The following PDIA3 variants were observed in gnomAD, a reference collection of about 807,000 sequenced individuals.
The protein encoded by PDIA3 is protein disulfide-isomerase A3.
PDIA3 carries 16 observed loss-of-function variants against 56.9 expected under a neutral mutation model. The ratio of observed to expected loss-of-function variants is 0.28; its 90% confidence interval spans 0.19 to 0.43. The LOEUF is 0.43. PDIA3 is among the 20% of genes least tolerant of loss of function. The pLI is 1.00. For missense variants in PDIA3, 485 were observed against 621.3 expected (o/e 0.78, Z 2.33); for synonymous variants, 192 against 216.5 (o/e 0.89, Z 0.99).
At chr15:43,766,081 C>T in intron 7 of PDIA3, 69 bp downstream of exon 7, 1 of 1,260,868 alleles carries the variant, frequency 7.9e-7, no homozygotes, top group South Asian at 1.5e-5. Context: ...TTCTAACTAT[C>T]TTGTTGGTTC....
chr15:43,757,087 C>T (rs538599880), intron 3 of PDIA3, among the ~76,000 whole-genome samples: 1 of 152,298 alleles, frequency 6.6e-6, no homozygotes, highest in East Asian at 1.9e-4. Flanking sequence ...GGTCCCTACT[C>T]TTGTGAAGCT....
chr15:43,755,439 G>A (rs1426359178), intron 2 of PDIA3, among the ~76,000 whole-genome samples: 1 of 152,092 alleles, frequency 6.6e-6, no homozygotes, highest in Non-Finnish European at 1.5e-5. Flanking sequence ...GTAACCAAAT[G>A]GTCAACTGTA....
chr15:43,752,027 A>G (rs2086747643), intron 1 of PDIA3, among the ~76,000 whole-genome samples: 1 of 152,168 alleles, frequency 6.6e-6, no homozygotes, highest in African/African-American at 2.4e-5. Flanking sequence ...CATGTGAAAT[A>G]TATTATCTTC....
intron 1 of PDIA3, among the ~76,000 whole-genome samples, chr15:43,749,394 A>G (rs1299693048): frequency 2.6e-5 from 4 of 151,990 alleles, no homozygotes; most frequent in Non-Finnish European, 5.9e-5. Context: ...TGGCCTCTGT[A>G]TTTTTATTTA....
At position 43,771,594 on chromosome 15, in the gene PDIA3, G is replaced by A. The variant is rs2086882437; in HGVS notation, c.*376G>A. 1.4e-5 allele frequency: 6 copies of A among 424,130 alleles called. No individual in the cohort carries two copies. The highest frequency in any genetic ancestry group is 8.0e-5 in the Admixed American group (2 of 24,978). The allele number at this position is 424,130 out of a possible 1,614,324, so 26.3% of individuals were successfully genotyped here. ...CAGATGTTCTCTACACACTATCACT[G>A]TTCAATAGAGCTTTCTTCAGTGATG... On this transcript the variant is annotated 3_prime_UTR_variant, in exon 13 of 13. Coordinates refer to ENST00000300289, the MANE Select transcript of PDIA3 (RefSeq NM_005313.5).
rs1377133139 is a variant in PDIA3 at position 43,761,446 on chromosome 15, G to A, written c.387G>A (p.Lys129=). The A allele has an allele frequency of 1.3e-6, 2 of 1,595,752 alleles. No homozygotes were observed. The highest frequency in any genetic ancestry group is 1.7e-5 in the Admixed American group (1 of 57,838). ...RTADGIVSHL[K]KQAGPASVPL... Reference sequence around the variant, plus strand: ...AAGATGGAATTGTCAGCCACTTGAAGAAGCAGGCAGGACCAGCTTCAGTGC... The same window carrying A: ...AAGATGGAATTGTCAGCCACTTGAAAAAGCAGGCAGGACCAGCTTCAGTGC... The change falls in exon 4 of 13, where the codon AAG becomes AAA. Residue 129 remains lysine (K), a synonymous_variant. Transcript: ENST00000300289.
chr15:43,771,625 G>C lies in PDIA3; in HGVS notation c.*407G>C. ...TAGAGCTTTCTTCAGTGATGGAAAT[G>C]CTCTGTAATCTACACTGTTCAGTAC... On this transcript the variant is annotated 3_prime_UTR_variant, in exon 13 of 13. Coordinates refer to ENST00000300289, the MANE Select transcript of PDIA3 (RefSeq NM_005313.5). 4.9e-6 allele frequency: 2 copies of C among 407,206 alleles called. No individual in the cohort carries two copies. Among genetic ancestry groups the C allele is most frequent in the South Asian group, 1.2e-4 (1 of 8,654 alleles). The allele number at this position is 407,206 out of a possible 1,614,324, so 25.2% of individuals were successfully genotyped here. A position where few individuals can be genotyped will look rare whatever the true frequency, so the allele number is the denominator to read the frequency against.
intron 3 of PDIA3, among the ~76,000 whole-genome samples, chr15:43,758,566 G>A (rs2086794511): frequency 6.6e-6 from 1 of 151,660 alleles, no homozygotes; most frequent in South Asian, 2.1e-4. Flanking sequence ...GCTGAGGCAG[G>A]AGGATCACTT....
chr15:43,755,280 A>C (rs2086771513), intron 2 of PDIA3, among the ~76,000 whole-genome samples: 1 of 152,126 alleles, frequency 6.6e-6, no homozygotes, highest in African/African-American at 2.4e-5. Context: ...GTGAGCTGAG[A>C]TCATGGCACT....
At chr15:43,762,872 C>G (rs1272221232) in intron 4 of PDIA3, among the ~76,000 whole-genome samples, 1 of 152,174 alleles carries the variant, frequency 6.6e-6, no homozygotes, top group Non-Finnish European at 1.5e-5. Flanking sequence ...TCTCCCTTGG[C>G]TCTCTCAAGA....
intron 1 of PDIA3, among the ~76,000 whole-genome samples, chr15:43,749,364 C>T (rs1596017341): frequency 1.3e-5 from 2 of 152,314 alleles, no homozygotes; most frequent in African/African-American, 4.8e-5. Flanking sequence ...GCTGGGATTA[C>T]AGGCGTGCGC....
intron 9 of PDIA3, among the ~76,000 whole-genome samples, chr15:43,769,296 T>G (rs1268598151): frequency 6.6e-6 from 1 of 152,222 alleles, no homozygotes; most frequent in Non-Finnish European, 1.5e-5. Context: ...TTCTATGTCC[T>G]GTAACTTCCT....
intron 7 of PDIA3, 56 bp from the exon 8 acceptor site, chr15:43,766,671 CA>C: frequency 7.0e-7 from 1 of 1,428,030 alleles, no homozygotes; most frequent in Non-Finnish European, 9.7e-7. Flanking sequence ...TTCTTAGTTT[CA>C]AAAGTGCTTG....
chr15:43,751,798 G>T, intron 1 of PDIA3: 7 of 1,276,970 alleles, frequency 5.5e-6, no homozygotes, highest in Non-Finnish European at 7.2e-6. Flanking sequence ...TGCTCTGTGG[G>T]TATTTTTGAT....
chr15:43,759,390 A>G (rs1040853890), intron 3 of PDIA3, among the ~76,000 whole-genome samples: 1 of 152,194 alleles, frequency 6.6e-6, no homozygotes, highest in Non-Finnish European at 1.5e-5. Flanking sequence ...TGTTGTCTAT[A>G]GATTCTTGGA....
intron 2 of PDIA3, among the ~76,000 whole-genome samples, chr15:43,755,260 G>C (rs529230464): frequency 6.6e-6 from 1 of 152,092 alleles, no homozygotes; most frequent in Non-Finnish European, 1.5e-5. Flanking sequence ...CCAGGGGGGC[G>C]GAGGTTGCAG....
chr15:43,750,265 G>A (rs552272799), intron 1 of PDIA3, among the ~76,000 whole-genome samples: 1 of 147,088 alleles, frequency 6.8e-6, no homozygotes, highest in South Asian at 2.1e-4. Context: ...AATCACCTGC[G>A]TTGGACTCCC....
At chr15:43,748,203 C>A (rs1172084235) in intron 1 of PDIA3, among the ~76,000 whole-genome samples, 1 of 152,120 alleles carries the variant, frequency 6.6e-6, no homozygotes, top group Non-Finnish European at 1.5e-5. Context: ...TGGGGCTGGG[C>A]ATGGTGGCTC....
rs761289258 is a variant in PDIA3, at chr15:43,773,141, A to T, written c.*1923A>T. ...TCAGCTGCCCCTGTTCTTTTCCTCA[A>T]ACTCCAGGATGAGACCTTTAATGTG... On this transcript the variant is annotated 3_prime_UTR_variant, in exon 13 of 13. Coordinates refer to ENST00000300289, the MANE Select transcript of PDIA3 (RefSeq NM_005313.5). 22 of 1,610,258 alleles carry T rather than the reference A, an allele frequency of 1.4e-5. No homozygotes were observed. Among genetic ancestry groups the T allele is most frequent in the Non-Finnish European group, 1.9e-5 (22 of 1,179,028 alleles).
Sources: allele counts gnomAD v4.1 joint callset (sites outside exome capture counted in the v4.1 genomes callset), GRCh38; gene constraint gnomAD v4.1.1; transcripts MANE v1.5; gene names NCBI Gene and HGNC (gene_info 2026-07-23, HGNC 2026-07-21).